The following ARHGAP28 variants were observed in gnomAD, a reference collection of about 807,000 sequenced individuals.
ARHGAP28 encodes rho GTPase-activating protein 28.
Under a neutral mutation model 90.7 loss-of-function variants are expected in ARHGAP28, and 56 were observed. The ratio of observed to expected loss-of-function variants is 0.62; its 90% CI spans 0.50 to 0.77. The LOEUF (loss-of-function observed/expected upper bound fraction) is 0.77. Ranked by LOEUF, ARHGAP28 falls within the 30% of genes least tolerant of loss-of-function variation. The pLI is 0.00. For synonymous variants in ARHGAP28, 308 were observed against 323.3 expected (o/e 0.95, Z 0.51); for missense variants, 869 against 900.9 (o/e 0.96, Z 0.45).
chr18:6,905,986 T>G (rs1322144727), intron 16 of ARHGAP28, among the ~76,000 whole-genome samples: 1 of 152,136 alleles, frequency 6.6e-6, no homozygotes, highest in Non-Finnish European at 1.5e-5. Context: ...ATGAGTTTAA[T>G]GCAATTCCTG....
rs1018063624 is a variant in ARHGAP28, at chr18:6,815,328, C to T, written c.123-9434C>T. Among the ~76,000 whole-genome samples, 9 of 152,190 alleles carry T rather than the reference C, an allele frequency of 5.9e-5. No individual in the cohort carries two copies. In the East Asian group the frequency reaches 1.7e-3, roughly 29 times the overall value. On this transcript the variant is annotated intron_variant, in intron 1 of 17. Coordinates refer to ENST00000383472, the MANE Select transcript of ARHGAP28 (RefSeq NM_001366230.1). Reference sequence around the variant, plus strand: ...AACCAGTAACCTTTCATAGAAGTGTCTTTAAATCTTTCTCAACCCATGCCC... The same window carrying T: ...AACCAGTAACCTTTCATAGAAGTGTTTTTAAATCTTTCTCAACCCATGCCC...
chr18:6,832,653 C>G (rs1310144256), intron 2 of ARHGAP28, among the ~76,000 whole-genome samples: 1 of 151,900 alleles, frequency 6.6e-6, no homozygotes, highest in Non-Finnish European at 1.5e-5. Flanking sequence ...AATGAGCTTC[C>G]TCAATACTCT....
In ARHGAP28 at chr18:6,782,148, T is replaced by G. The variant is rs9945355; in HGVS notation, c.123-42614T>G. On this transcript the variant is annotated intron_variant, in intron 1 of 17. Coordinates refer to ENST00000383472, the MANE Select transcript of ARHGAP28 (RefSeq NM_001366230.1). ...CTGCCTCCCCAGCCTTGGGAAGGTCTGCTGTGCTTAGCCACTGCAACTGAT... is the reference window on the plus strand; with the variant it reads ...CTGCCTCCCCAGCCTTGGGAAGGTCGGCTGTGCTTAGCCACTGCAACTGAT... 2.3e-3 allele frequency among the ~76,000 whole-genome samples: 347 copies of G among 152,260 alleles called. 1 individual carries two copies. The highest frequency in any genetic ancestry group is 7.9e-3 in the African/African-American group (330 of 41,576).
At chr18:6,819,665 C>T (rs2056613981) in intron 1 of ARHGAP28, among the ~76,000 whole-genome samples, 1 of 152,170 alleles carries the variant, frequency 6.6e-6, no homozygotes, top group Non-Finnish European at 1.5e-5. Flanking sequence ...GGGATTTTTG[C>T]TGGGAGCCCT....
In ARHGAP28 at chr18:6,873,762, T is replaced by G. The variant is rs1048892749; in HGVS notation, c.1199T>G (p.Leu400Arg). Residue 400 changes from leucine to arginine, a missense_variant, in exon 9 of 18, where the codon CTG becomes CGG. Leu to Arg is a moderately radical substitution (Grantham distance 102). Coordinates refer to ENST00000383472, the MANE Select transcript of ARHGAP28 (RefSeq NM_001366230.1). ...AAAGACCCTGGAGTGAAAGTTCCCC[T>G]GGTATTACAAAAAGTGAGTAGCAGG... ...RKKDPGVKVPLVLQKFFEKVE... is the reference protein window; with the variant it reads ...RKKDPGVKVPRVLQKFFEKVE... 2.5e-6 allele frequency: 4 copies of G among 1,613,662 alleles called. No individual in the cohort carries two copies. Among genetic ancestry groups the G allele is most frequent in the Middle Eastern group, 3.3e-4 (2 of 6,082 alleles).
chr18:6,827,956 G>A (rs1478281917), intron 2 of ARHGAP28, among the ~76,000 whole-genome samples: 3 of 152,026 alleles, frequency 2.0e-5, no homozygotes, highest in Admixed American at 6.5e-5. Context: ...GGTGGCGGCC[G>A]GGCAGAGGCT....
chr18:6,754,975 G>A lies in ARHGAP28; in HGVS notation c.122+25032G>A, dbSNP rs371631306. Among the ~76,000 whole-genome samples, 19 of 152,142 alleles carry A rather than the reference G, an allele frequency of 1.2e-4. 2 individuals are homozygous for A. Among genetic ancestry groups the A allele is most frequent in the East Asian group, 3.9e-4 (2 of 5,172 alleles). ...AGCTTGGCCAACATGGTGAAACCTC[G>A]TCTCTACCAAAAATACAAAAAAATT... On this transcript the variant is annotated intron_variant, in intron 1 of 17. Coordinates refer to ENST00000383472, the MANE Select transcript of ARHGAP28 (RefSeq NM_001366230.1).
chr18:6,852,043 T>C (rs2056914738), intron 4 of ARHGAP28, among the ~76,000 whole-genome samples: 1 of 152,224 alleles, frequency 6.6e-6, no homozygotes, highest in South Asian at 2.1e-4. Context: ...ATACTTTATG[T>C]ACAGTTAATT....
At chr18:6,766,094 C>G (rs2056198067) in intron 1 of ARHGAP28, among the ~76,000 whole-genome samples, 1 of 152,142 alleles carries the variant, frequency 6.6e-6, no homozygotes, top group South Asian at 2.1e-4. Flanking sequence ...TGAAAGTAGT[C>G]TATAAAGATC....
intron 5 of ARHGAP28, among the ~76,000 whole-genome samples, chr18:6,862,991 CTT>C (rs2057010080): frequency 6.6e-6 from 1 of 152,006 alleles, no homozygotes; most frequent in Non-Finnish European, 1.5e-5. Context: ...TAAGTGTCTC[CTT>C]TAGCTTCCTT....
intron 10 of ARHGAP28, among the ~76,000 whole-genome samples, chr18:6,877,193 C>T (rs488370): frequency 0.49 from 74,426 of 152,068 alleles, 18,548 homozygotes; most frequent in Non-Finnish European, 0.53. Flanking sequence ...AGAAGTGTGA[C>T]GAGAGGTTTT....
chr18:6,873,899 C>A, intron 9 of ARHGAP28, 124 bp downstream of exon 9: 2 of 830,920 alleles, frequency 2.4e-6, no homozygotes, highest in Non-Finnish European at 3.8e-6. Context: ...AGGACTCAGG[C>A]CCCTGGTGAT....
intron 16 of ARHGAP28, chr18:6,897,325 A>T (rs952555374): frequency 2.0e-5 from 3 of 152,252 alleles, no homozygotes; most frequent in Admixed American, 2.0e-4. Flanking sequence ...ACATGCCTGT[A>T]TCAGATAGAC....
chr18:6,760,479 A>G (rs147912203), intron 1 of ARHGAP28, among the ~76,000 whole-genome samples: 32 of 152,304 alleles, frequency 2.1e-4, no homozygotes, highest in African/African-American at 6.3e-4. Flanking sequence ...ATTTAAATGC[A>G]TGACTTCTGT....
chr18:6,791,219 T>A (rs893659118), intron 1 of ARHGAP28: 2 of 152,218 alleles, frequency 1.3e-5, no homozygotes, highest in Middle Eastern at 6.8e-3. Flanking sequence ...GCAGGAAAAA[T>A]CCAGCACAGG....
At chr18:6,766,312 T>G (rs1411036847) in intron 1 of ARHGAP28, among the ~76,000 whole-genome samples, 3 of 152,214 alleles carry the variant, frequency 2.0e-5, no homozygotes, top group Admixed American at 2.0e-4. Context: ...ATTATTAGGT[T>G]TTCTTGATGA....
chr18:6,840,392 T>G (rs749553619), intron 3 of ARHGAP28, among the ~76,000 whole-genome samples: 3 of 152,250 alleles, frequency 2.0e-5, no homozygotes, highest in Non-Finnish European at 4.4e-5. Context: ...AATGCATAAC[T>G]GTTCTCTTCA....
At chr18:6,859,688 C>T in intron 4 of ARHGAP28, 120 bp from the exon 5 acceptor site, 2 of 981,046 alleles carry the variant, frequency 2.0e-6, no homozygotes, top group Non-Finnish European at 3.1e-6. Context: ...TGTCCATGCA[C>T]AGGCAGTCAT....
intron 1 of ARHGAP28, among the ~76,000 whole-genome samples, chr18:6,796,070 G>C (rs1042259032): frequency 1.3e-5 from 2 of 152,184 alleles, no homozygotes; most frequent in African/African-American, 2.4e-5. Context: ...AAAATGTAGA[G>C]CAACATACAT....
Sources: allele counts gnomAD v4.1 joint callset (sites outside exome capture counted in the v4.1 genomes callset), GRCh38; gene constraint gnomAD v4.1.1; transcripts MANE v1.5; gene names NCBI Gene and HGNC (gene_info 2026-07-23, HGNC 2026-07-21).